The following AGTR1 variants were observed in gnomAD, a reference collection of about 807,000 sequenced individuals.
The protein encoded by AGTR1 is type-1 angiotensin II receptor.
AGTR1 carries 16 observed loss-of-function variants against 19.4 expected under a neutral mutation model. The ratio of observed to expected loss-of-function variants is 0.82; its 90% CI spans 0.56 to 1.25. AGTR1 has a LOEUF of 1.25. AGTR1 is among the 50% of genes most tolerant of loss of function. The pLI is 0.00. For missense variants in AGTR1, 373 were observed against 431.9 expected, an observed-to-expected ratio of 0.86 and a Z score of 1.21; for synonymous variants, 153 against 154.9, an observed-to-expected ratio of 0.99 and a Z score of 0.09.
At chr3:148,721,131 A>G (rs1355815646) in intron 2 of AGTR1, among the ~76,000 whole-genome samples, 2 of 152,182 alleles carry the variant, frequency 1.3e-5, no homozygotes, top group African/African-American at 4.8e-5. Context: ...AGAGGGCAAC[A>G]AAGAAGGTAG....
At chr3:148,711,557 G>T (rs1426348697) in intron 2 of AGTR1, among the ~76,000 whole-genome samples, 1 of 151,138 alleles carries the variant, frequency 6.6e-6, no homozygotes, top group Non-Finnish European at 1.5e-5. Flanking sequence ...TTGTGCCTGA[G>T]TTTTTTTTTC....
rs146357970 is a variant in AGTR1 at position 148,741,977 on chromosome 3, C to G, written c.942C>G (p.Leu314=). The change falls in exon 3 of 3, where the codon CTC becomes CTG. Residue 314 remains leucine (L), a synonymous_variant. Transcript: ENST00000349243. ...FLGKKFKRYF[L]QLLKYIPPKA... ...GGAAAAAATTTAAAAGATATTTTCT[C>G]CAGCTTCTAAAATATATTCCCCCAA... The G allele has an allele frequency of 8.7e-6, 14 of 1,613,470 alleles. No individual in the cohort carries two copies. The African/African-American group carries it at 1.5e-4, about 17-fold the overall frequency.
At chr3:148,698,544 G>A (rs1712115410) in intron 1 of AGTR1, among the ~76,000 whole-genome samples, 1 of 152,130 alleles carries the variant, frequency 6.6e-6, no homozygotes, top group Admixed American at 6.5e-5. Flanking sequence ...TGCTACTTTT[G>A]AGGTGAAGTT....
chr3:148,706,708 C>T (rs946668925), intron 1 of AGTR1, among the ~76,000 whole-genome samples: 2 of 151,822 alleles, frequency 1.3e-5, no homozygotes, highest in Admixed American at 1.3e-4. Context: ...TGAGAAAACT[C>T]GTAGAAGAAT....
At position 148,741,706 on chromosome 3, in the gene AGTR1, A is replaced by G; in HGVS notation, c.671A>G (p.Lys224Arg). 1 of 1,614,044 alleles carries G rather than the reference A, an allele frequency of 6.2e-7. No homozygotes were observed. Among genetic ancestry groups the G allele is most frequent in the East Asian group, 2.2e-5 (1 of 44,878 alleles). Residue 224 changes from lysine to arginine, a missense_variant, in exon 3 of 3, where the codon AAG (lysine) becomes AGG (arginine). Transcript: ENST00000349243. ...SYTLIWKALKKAYEIQKNKPR... is the reference protein window; with the variant it reads ...SYTLIWKALKRAYEIQKNKPR... ...ACTCTTATTTGGAAGGCCCTAAAGAAGGCTTATGAAATTCAGAAGAACAAA... is the reference window on the plus strand; with the variant it reads ...ACTCTTATTTGGAAGGCCCTAAAGAGGGCTTATGAAATTCAGAAGAACAAA...
At chr3:148,706,822 A>G (rs1018495142) in intron 1 of AGTR1, among the ~76,000 whole-genome samples, 18 of 152,098 alleles carry the variant, frequency 1.2e-4, no homozygotes, top group African/African-American at 4.3e-4. Context: ...AGATAAAGAA[A>G]AAATGATTTG....
intron 2 of AGTR1, among the ~76,000 whole-genome samples, chr3:148,732,957 G>C (rs1340419291): frequency 1.3e-5 from 2 of 151,450 alleles, no homozygotes; most frequent in African/African-American, 4.9e-5. Flanking sequence ...AGCCGGGATG[G>C]TCTCGATCTC....
At chr3:148,737,779 A>G (rs1478773474) in intron 2 of AGTR1, among the ~76,000 whole-genome samples, 1 of 152,158 alleles carries the variant, frequency 6.6e-6, no homozygotes, top group East Asian at 1.9e-4. Context: ...TGGTCATTAT[A>G]CATTTATGTA....
At chr3:148,719,210 G>A (rs1713469979) in intron 2 of AGTR1, among the ~76,000 whole-genome samples, 1 of 152,096 alleles carries the variant, frequency 6.6e-6, no homozygotes. Context: ...TGCAAGAAAA[G>A]GAAATTGCGC....
At position 148,698,080 on chromosome 3, in the gene AGTR1, C is replaced by T. The variant is rs549707567; in HGVS notation, c.-179C>T. 6.6e-6 allele frequency: 1 copy of T among 152,260 alleles called. No homozygotes were observed. The highest frequency in any genetic ancestry group is 6.5e-5 in the Admixed American group (1 of 15,292). The allele number at this position is 152,260 out of a possible 1,614,324, so 9.4% of individuals were successfully genotyped here. A position where few individuals can be genotyped will look rare whatever the true frequency, so the allele number is the denominator to read the frequency against. On this transcript the variant is annotated 5_prime_UTR_variant, in exon 1 of 3. Transcript: ENST00000349243. Reference sequence around the variant, plus strand: ...GAGGCGGCGGGCGGGAGACCCGCACCAGCGCAGCCGGCCCTCGGCGGGACG... The same window carrying T: ...GAGGCGGCGGGCGGGAGACCCGCACTAGCGCAGCCGGCCCTCGGCGGGACG...
chr3:148,735,133 C>T (rs1714502786), intron 2 of AGTR1, among the ~76,000 whole-genome samples: 1 of 152,196 alleles, frequency 6.6e-6, no homozygotes, highest in African/African-American at 2.4e-5. Flanking sequence ...ATACTGAAGG[C>T]AATTTAAGCT....
At position 148,741,316 on chromosome 3, in the gene AGTR1, G is replaced by A. The variant is rs1342200710; in HGVS notation, c.281G>A (p.Trp94Ter). The A allele has an allele frequency of 2.5e-6, 4 of 1,610,494 alleles. No individual in the cohort carries two copies. In the East Asian group the frequency reaches 6.7e-5, roughly 27 times the overall value. ...WAVYTAMEYR[W>*]PFGNYLCKIA... ...GTCTACACAGCTATGGAATACCGCT[G>A]GCCCTTTGGCAATTACCTATGTAAG... The change falls in exon 3 of 3, where the codon TGG (tryptophan) becomes TAG (stop). Residue 94 changes from tryptophan (W) to a stop codon, truncating the protein, a stop_gained. Transcript: ENST00000349243. LOFTEE classifies it high-confidence loss of function.
chr3:148,738,173 G>A (rs987505412), intron 2 of AGTR1, among the ~76,000 whole-genome samples: 1 of 151,986 alleles, frequency 6.6e-6, no homozygotes, highest in African/African-American at 2.4e-5. Context: ...AGAAGGAGAA[G>A]AAAATTTCCT....
rs1284123619 is a variant in AGTR1, at chr3:148,742,934, T to C, written c.*819T>C. The C allele has an allele frequency of 1.8e-5, 3 of 166,110 alleles. No individual in the cohort carries two copies. Among genetic ancestry groups the C allele is most frequent in the East Asian group, 1.9e-4 (1 of 5,198 alleles). The allele number at this position is 166,110 out of a possible 1,614,324, so 10.3% of individuals were successfully genotyped here. A position where few individuals can be genotyped will look rare whatever the true frequency, so the allele number is the denominator to read the frequency against. ...ATATGTATATGTATATCTATATCTC[T>C]AAACTGCTGTTAATTGATTAAAATC... On this transcript the variant is annotated 3_prime_UTR_variant, in exon 3 of 3. Transcript: ENST00000349243.
At chr3:148,731,076 T>C (rs1378814911) in intron 2 of AGTR1, 6 of 152,242 alleles carry the variant, frequency 3.9e-5, no homozygotes, top group African/African-American at 1.4e-4. Flanking sequence ...TTTGGATATA[T>C]TGGATTAAAT....
intron 2 of AGTR1, among the ~76,000 whole-genome samples, chr3:148,734,471 T>C (rs1006011407): frequency 6.6e-6 from 1 of 152,198 alleles, no homozygotes; most frequent in African/African-American, 2.4e-5. Context: ...GTGGATGATA[T>C]TGACTTGGGA....
intron 2 of AGTR1, among the ~76,000 whole-genome samples, chr3:148,737,161 G>A (rs1714614457): frequency 6.6e-6 from 1 of 152,122 alleles, no homozygotes; most frequent in African/African-American, 2.4e-5. Context: ...GTGCAGACTG[G>A]GAAATGGCCT....
At chr3:148,726,007 T>G (rs1200419140) in intron 2 of AGTR1, among the ~76,000 whole-genome samples, 1 of 152,228 alleles carries the variant, frequency 6.6e-6, no homozygotes, top group Non-Finnish European at 1.5e-5. Flanking sequence ...TATAATATAC[T>G]GTCTTTTGAA....
At chr3:148,700,262 T>C (rs1035300545) in intron 1 of AGTR1, among the ~76,000 whole-genome samples, 2 of 152,174 alleles carry the variant, frequency 1.3e-5, no homozygotes, top group Non-Finnish European at 2.9e-5. Context: ...TGACTAATTT[T>C]CCCCTATGCT....
Sources: allele counts gnomAD v4.1 joint callset (sites outside exome capture counted in the v4.1 genomes callset), GRCh38; gene constraint gnomAD v4.1.1; transcripts MANE v1.5; gene names NCBI Gene and HGNC (gene_info 2026-07-23, HGNC 2026-07-21).